The following TMEM123 variants were observed in gnomAD, a reference collection of about 807,000 sequenced individuals.
TMEM123 encodes porimin.
A neutral mutation model predicts 19.7 loss-of-function variants in TMEM123; 16 were observed. That is an observed-to-expected ratio of 0.81 (90% CI 0.55 to 1.23). The LOEUF (loss-of-function observed/expected upper bound fraction) is 1.23. TMEM123 is among the 50% of genes most tolerant of loss of function. The probability of loss-of-function intolerance (pLI) is 0.00; values close to 1 mark genes in which losing one functional copy is unlikely to be tolerated. For synonymous variants in TMEM123, 118 were observed against 99.4 expected (o/e 1.19, Z -1.12); for missense variants, 313 against 257.8 (o/e 1.21, Z -1.47).
At chr11:102,416,317 A>G (rs1263784476) in intron 2 of TMEM123, among the ~76,000 whole-genome samples, 1 of 152,242 alleles carries the variant, frequency 6.6e-6, no homozygotes, top group Admixed American at 6.5e-5. Context: ...CAGAAATGAT[A>G]AAGGAAACAT....
chr11:102,418,100 C>T (rs1952056133), intron 2 of TMEM123, among the ~76,000 whole-genome samples: 1 of 151,566 alleles, frequency 6.6e-6, no homozygotes, highest in South Asian at 2.1e-4. Context: ...AGAAGAAAAC[C>T]TAGGAAACAC....
chr11:102,437,941 C>T (rs1168711319), intron 2 of TMEM123, among the ~76,000 whole-genome samples: 1 of 152,170 alleles, frequency 6.6e-6, no homozygotes, highest in Non-Finnish European at 1.5e-5. Context: ...GCTCAGATGA[C>T]CCCATCTCAG....
rs145621468 is a variant in TMEM123, at chr11:102,396,566, G to A, written c.*2301C>T. On this transcript the variant is annotated 3_prime_UTR_variant, in exon 5 of 5. Transcript: ENST00000398136. ...TGCCTAGTACTTATACATCTGGATTGTTTGTTTTGATCTTCAGATAAATAC... is the reference window on the plus strand; with the variant it reads ...TGCCTAGTACTTATACATCTGGATTATTTGTTTTGATCTTCAGATAAATAC... 380 of 152,140 alleles carry A rather than the reference G, an allele frequency of 2.5e-3. No individual in the cohort carries two copies. The highest frequency in any genetic ancestry group is 8.7e-3 in the African/African-American group (363 of 41,518). The allele number at this position is 152,140 out of a possible 1,614,324, so 9.4% of individuals were successfully genotyped here.
intron 2 of TMEM123, among the ~76,000 whole-genome samples, chr11:102,416,382 C>G (rs1952044269): frequency 6.6e-6 from 1 of 152,120 alleles, no homozygotes; most frequent in East Asian, 1.9e-4. Context: ...ATGAACACCA[C>G]TACGTATACA....
rs914005874 is a variant in TMEM123, at chr11:102,440,461, G to A, written c.157+8351C>T. Among the ~76,000 whole-genome samples the A allele has an allele frequency of 2.4e-4, 37 of 152,184 alleles. 1 individual carries two copies. Among genetic ancestry groups the A allele is most frequent in the African/African-American group, 8.7e-4 (36 of 41,446 alleles). ...TATCCAGCCAAACTAAGTTTCATAA[G>A]TGAAGGAGAAATAAAATCCTTTACA... is the stretch of plus-strand genomic sequence containing the variant. On this transcript the variant is annotated intron_variant, in intron 2 of 4. Transcript: ENST00000398136.
At chr11:102,417,258 G>A (rs1024280134) in intron 2 of TMEM123, among the ~76,000 whole-genome samples, 9 of 152,164 alleles carry the variant, frequency 5.9e-5, no homozygotes, top group African/African-American at 2.2e-4. Context: ...CCCAGTCTCT[G>A]CCCAAGGGCT....
intron 2 of TMEM123, among the ~76,000 whole-genome samples, chr11:102,402,457 A>T (rs1432056693): frequency 6.6e-6 from 1 of 152,094 alleles, no homozygotes; most frequent in Non-Finnish European, 1.5e-5. Context: ...AGAAAAAAAA[A>T]AACAACCCAG....
chr11:102,401,851 A>C, intron 3 of TMEM123, 65 bp downstream of exon 3: 1 of 1,560,020 alleles, frequency 6.4e-7, no homozygotes. Flanking sequence ...AGACAGAATA[A>C]TGACTTAAAT....
chr11:102,409,067 AAAGTT>A (rs1165989752), intron 2 of TMEM123, among the ~76,000 whole-genome samples: 1 of 152,182 alleles, frequency 6.6e-6, no homozygotes, highest in African/African-American at 2.4e-5. Flanking sequence ...TAAATATCTC[AAAGTT>A]AAGGATGACA....
chr11:102,452,282 G>A (rs1307377665), intron 1 of TMEM123: 5 of 383,860 alleles, frequency 1.3e-5, no homozygotes, highest in Non-Finnish European at 2.3e-5. Flanking sequence ...GCCTGCGACC[G>A]CCGCATCCAA....
intron 2 of TMEM123, among the ~76,000 whole-genome samples, chr11:102,416,183 G>C (rs142617239): frequency 8.5e-5 from 13 of 152,286 alleles, no homozygotes; most frequent in Admixed American, 4.6e-4. Flanking sequence ...CCAAAGTGTT[G>C]GGATTACAAG....
chr11:102,400,201 A>C (rs1339698675), intron 4 of TMEM123, among the ~76,000 whole-genome samples: 1 of 152,252 alleles, frequency 6.6e-6, no homozygotes, highest in African/African-American at 2.4e-5. Flanking sequence ...GGCCTATTCC[A>C]ACATTTCCCA....
At chr11:102,414,683 G>C (rs552842724) in intron 2 of TMEM123, among the ~76,000 whole-genome samples, 2 of 152,308 alleles carry the variant, frequency 1.3e-5, no homozygotes, top group South Asian at 4.1e-4. Flanking sequence ...TGCCTTAGAA[G>C]AGGTCCTTAA....
chr11:102,404,677 GTAAC>G (rs1194823132), intron 2 of TMEM123, among the ~76,000 whole-genome samples: 2 of 152,088 alleles, frequency 1.3e-5, no homozygotes, highest in Non-Finnish European at 2.9e-5. Flanking sequence ...TCGGCTCACT[GTAAC>G]CTCTGCCTCC....
chr11:102,443,340 A>C (rs919198839), intron 2 of TMEM123, among the ~76,000 whole-genome samples: 1 of 152,200 alleles, frequency 6.6e-6, no homozygotes, highest in Non-Finnish European at 1.5e-5. Context: ...TACTGGTACC[A>C]AACAGAGATA....
intron 2 of TMEM123, among the ~76,000 whole-genome samples, chr11:102,445,579 T>C (rs1352243340): frequency 2.0e-5 from 3 of 152,226 alleles, no homozygotes; most frequent in African/African-American, 7.2e-5. Context: ...CAGGATTATA[T>C]ACCTGATAAA....
At chr11:102,452,428 G>T in intron 1 of TMEM123, 96 bp downstream of exon 1, 1 of 1,088,686 alleles carries the variant, frequency 9.2e-7, no homozygotes. Context: ...CCAGACACAC[G>T]CGGAACTTTC....
At chr11:102,447,454 C>A (rs1857895787) in intron 2 of TMEM123, among the ~76,000 whole-genome samples, 1 of 152,110 alleles carries the variant, frequency 6.6e-6, no homozygotes, top group African/African-American at 2.4e-5. Flanking sequence ...TGACACCTAC[C>A]TCACCACTGT....
At chr11:102,448,289 C>A (rs184864569) in intron 2 of TMEM123, 1 of 456,160 alleles carries the variant, frequency 2.2e-6, no homozygotes, top group Admixed American at 2.3e-5. Context: ...TGCATCTTTC[C>A]ATGTTAGTGA....
Sources: allele counts gnomAD v4.1 joint callset (sites outside exome capture counted in the v4.1 genomes callset), GRCh38; gene constraint gnomAD v4.1.1; transcripts MANE v1.5; gene names NCBI Gene and HGNC (gene_info 2026-07-23, HGNC 2026-07-21).